Variants in MED30 observed in about 807,000 individuals in gnomAD.
The protein encoded by MED30 is mediator of RNA polymerase II transcription subunit 30.
A neutral mutation model predicts 21.7 loss-of-function variants in MED30; 8 were observed. The ratio of observed to expected loss-of-function variants is 0.37; its 90% CI spans 0.22 to 0.67. The LOEUF (loss-of-function observed/expected upper bound fraction) is 0.67. MED30 is among the 30% of genes least tolerant of loss of function. MED30 has a pLI of 0.58. For synonymous variants in MED30, 79 were observed against 86.7 expected, an observed-to-expected ratio of 0.91 and a Z score of 0.49; for missense variants, 203 against 228.2, an observed-to-expected ratio of 0.89 and a Z score of 0.71.
chr8:117,537,788 G>GT (rs112994620), intron 3 of MED30, among the ~76,000 whole-genome samples: 2,908 of 152,262 alleles, frequency 0.019, 59 homozygotes, highest in Admixed American at 0.046. Context: ...TATAAAGTCT[G>GT]TTTTTAACCA....
chr8:117,537,832 A>G lies in MED30; in HGVS notation c.442-2051A>G, dbSNP rs1489246539. Among the ~76,000 whole-genome samples, 4 of 152,326 alleles carry G rather than the reference A, an allele frequency of 2.6e-5. No individual in the cohort carries two copies. The East Asian group carries it at 7.7e-4, about 29-fold the overall frequency. ...ACCAATTGTCATCTTATGTATGGGT[A>G]TGCAGAAAGTACAACTGGCAGAGAC... is the stretch of plus-strand genomic sequence containing the variant. On this transcript the variant is annotated intron_variant, in intron 3 of 3. Transcript: ENST00000297347.
chr8:117,535,693 A>G (rs1818867280), intron 3 of MED30, among the ~76,000 whole-genome samples: 1 of 152,190 alleles, frequency 6.6e-6, no homozygotes, highest in Non-Finnish European at 1.5e-5. Context: ...AAATAGCTAC[A>G]TTCATAAACT....
intron 1 of MED30, 141 bp downstream of exon 1, chr8:117,521,194 CAA>C (rs1446135946): frequency 4.1e-6 from 3 of 734,948 alleles, no homozygotes; most frequent in Admixed American, 7.7e-5. Context: ...CATTCACACT[CAA>C]GAGTGTCCCC....
At chr8:117,523,850 T>C in intron 1 of MED30, 1 of 465,208 alleles carries the variant, frequency 2.1e-6, no homozygotes, top group South Asian at 2.9e-5. Flanking sequence ...CTACTAAAAA[T>C]ACAAAAATTA....
chr8:117,529,145 A>G (rs1563789639), intron 2 of MED30, among the ~76,000 whole-genome samples: 1 of 151,764 alleles, frequency 6.6e-6, no homozygotes, highest in Non-Finnish European at 1.5e-5. Flanking sequence ...AGTATCATAT[A>G]CTTTTAAGGT....
chr8:117,532,184 TCA>T (rs1818801450), intron 3 of MED30, among the ~76,000 whole-genome samples: 2 of 151,988 alleles, frequency 1.3e-5, no homozygotes, highest in Non-Finnish European at 2.9e-5. Flanking sequence ...GATTTAATAC[TCA>T]CAGTTTTAAT....
At chr8:117,523,639 G>A (rs1586859814) in intron 1 of MED30, 11 of 1,598,172 alleles carry the variant, frequency 6.9e-6, no homozygotes, top group Middle Eastern at 2.2e-4. Flanking sequence ...ATGAAGGTTG[G>A]ACACATTCTT....
At chr8:117,533,279 C>T (rs1818816586) in intron 3 of MED30, among the ~76,000 whole-genome samples, 1 of 151,692 alleles carries the variant, frequency 6.6e-6, no homozygotes, top group Non-Finnish European at 1.5e-5. Flanking sequence ...TATGGTAATT[C>T]TTTGGCAGCA....
intron 3 of MED30, among the ~76,000 whole-genome samples, chr8:117,535,134 T>G (rs1405746553): frequency 6.6e-6 from 1 of 151,984 alleles, no homozygotes; most frequent in Non-Finnish European, 1.5e-5. Flanking sequence ...TTTTATTATT[T>G]TCCTCAACTT....
chr8:117,523,673 G>T, intron 1 of MED30: 1 of 1,591,934 alleles, frequency 6.3e-7, no homozygotes. Context: ...GGGTGCTTAG[G>T]CATGTGGAAT....
intron 1 of MED30, among the ~76,000 whole-genome samples, chr8:117,527,632 C>CTTTTTTT (rs1818737423): frequency 9.2e-6 from 1 of 109,226 alleles, no homozygotes; most frequent in South Asian, 2.9e-4. Flanking sequence ...TTCTTTTTTT[C>CTTTTTTT]TTTCTTTTTT....
rs201524693 is a variant in MED30, at chr8:117,520,874, G to T, written c.-3G>T. 1.3e-6 allele frequency: 2 copies of T among 1,588,174 alleles called. No individual in the cohort carries two copies. The highest frequency in any genetic ancestry group is 2.3e-5 in the East Asian group (1 of 43,494). On this transcript the variant is annotated 5_prime_UTR_variant, in exon 1 of 4. Coordinates refer to ENST00000297347, the MANE Select transcript of MED30 (RefSeq NM_080651.4). ...CCTTCCGGCCTGAAGCTGCAGCCGCGCCATGTCCACCCCTCCGTTGGCCGC... is the reference window on the plus strand; with the variant it reads ...CCTTCCGGCCTGAAGCTGCAGCCGCTCCATGTCCACCCCTCCGTTGGCCGC...
In MED30 at chr8:117,530,768, C is replaced by G. The variant is rs533689326; in HGVS notation, c.382C>G (p.Arg128Gly). The change falls in exon 3 of 4, where the codon CGG (arginine) becomes GGG (glycine). Residue 128 changes from arginine (R) to glycine (G), a missense_variant. By Grantham distance (125) the Arg-to-Gly change is moderately radical. Coordinates refer to ENST00000297347, the MANE Select transcript of MED30 (RefSeq NM_080651.4). Reference protein sequence around the residue: ...VEEDGSKNDDRAGPPRFASEE... With the variant: ...VEEDGSKNDDGAGPPRFASEE... ...AGAAGATGGCTCAAAGAATGATGAT[C>G]GGGCTGGCCCACCTCGTTTTGCTAG... is the stretch of plus-strand genomic sequence containing the variant. 6.2e-7 allele frequency: 1 copy of G among 1,612,256 alleles called. No individual in the cohort carries two copies. Among genetic ancestry groups the G allele is most frequent in the African/African-American group, 1.3e-5 (1 of 74,928 alleles).
intron 3 of MED30, among the ~76,000 whole-genome samples, chr8:117,537,752 G>C (rs991595001): frequency 6.6e-6 from 1 of 152,292 alleles, no homozygotes; most frequent in East Asian, 1.9e-4. Flanking sequence ...GTGATAGCCA[G>C]CTGCAAGCCC....
chr8:117,522,496 T>C (rs535437420), intron 1 of MED30, among the ~76,000 whole-genome samples: 1 of 152,192 alleles, frequency 6.6e-6, no homozygotes, highest in African/African-American at 2.4e-5. Flanking sequence ...TTATTTTTGT[T>C]TTACAGATGA....
chr8:117,521,938 A>C lies in MED30; in HGVS notation c.177+885A>C, dbSNP rs547422929. 5.3e-5 allele frequency among the ~76,000 whole-genome samples: 8 copies of C among 152,298 alleles called. 1 individual carries two copies. In the South Asian group the frequency reaches 1.7e-3, roughly 32 times the overall value. On this transcript the variant is annotated intron_variant, in intron 1 of 3. Coordinates refer to ENST00000297347, the MANE Select transcript of MED30 (RefSeq NM_080651.4). ...TTCTCTTGGACAGATTCAGGAGTGG[A>C]ATTGCTGGATCATGCAGTACATGTC...
intron 1 of MED30, chr8:117,523,611 C>A: frequency 6.2e-7 from 1 of 1,600,946 alleles, no homozygotes; most frequent in Non-Finnish European, 8.5e-7. Flanking sequence ...ACTTGAGAAA[C>A]TGCATGGCCT....
At chr8:117,523,746 C>G (rs977723074) in intron 1 of MED30, 2 of 1,226,970 alleles carry the variant, frequency 1.6e-6, no homozygotes, top group African/African-American at 3.0e-5. Flanking sequence ...CGGTGGCTCA[C>G]GCCTGTAATC....
intron 1 of MED30, among the ~76,000 whole-genome samples, chr8:117,526,774 GTAAGT>G (rs961694262): frequency 5.9e-5 from 9 of 152,002 alleles, no homozygotes; most frequent in South Asian, 2.1e-4. Flanking sequence ...TAATGATTTA[GTAAGT>G]TAAGTTAGTA....
Sources: gnomAD v4.1 joint callset for allele counts (sites outside exome capture counted in the v4.1 genomes callset) on GRCh38, gnomAD v4.1.1 for gene constraint, MANE v1.5 for transcripts, NCBI Gene and HGNC (gene_info 2026-07-23, HGNC 2026-07-21) for gene names.